INPP4B: variants seen among roughly 807,000 people sequenced by gnomAD.
INPP4B encodes inositol polyphosphate 4-phosphatase type II.
Under a neutral mutation model 122.5 loss-of-function variants are expected in INPP4B, and 55 were observed. The observed-to-expected ratio is 0.45, with a 90% CI of 0.36 to 0.56. The LOEUF (loss-of-function observed/expected upper bound fraction) is 0.56. Ranked by LOEUF, INPP4B falls within the 20% of genes least tolerant of loss-of-function variation. The probability of loss-of-function intolerance (pLI) is 0.00; values close to 1 mark genes in which losing one functional copy is unlikely to be tolerated. For missense variants in INPP4B, 1,000 were observed against 1,097.7 expected (o/e 0.91, Z 1.26); for synonymous variants, 403 against 388.7 (o/e 1.04, Z -0.43).
chr4:142,153,444 G>T (rs1340879646), intron 17 of INPP4B, among the ~76,000 whole-genome samples: 1 of 152,046 alleles, frequency 6.6e-6, no homozygotes, highest in Non-Finnish European at 1.5e-5. Context: ...CACTTGATTT[G>T]AATGTAATAA....
At chr4:142,491,302 G>T (rs1580198361) in intron 2 of INPP4B, among the ~76,000 whole-genome samples, 1 of 152,180 alleles carries the variant, frequency 6.6e-6, no homozygotes, top group East Asian at 1.9e-4. Flanking sequence ...ACTACTAGAA[G>T]AAAACATAGG....
chr4:142,731,191 C>T (rs923835248), intron 1 of INPP4B, among the ~76,000 whole-genome samples: 3 of 152,006 alleles, frequency 2.0e-5, no homozygotes, highest in Non-Finnish European at 4.4e-5. Flanking sequence ...TCCATGGCCA[C>T]ATTACATTTA....
intron 5 of INPP4B, among the ~76,000 whole-genome samples, chr4:142,408,201 T>G (rs1157196042): frequency 2.0e-5 from 3 of 152,006 alleles, no homozygotes; most frequent in Non-Finnish European, 4.4e-5. Flanking sequence ...CTATAAAATC[T>G]AATCCGTATG....
intron 5 of INPP4B, among the ~76,000 whole-genome samples, chr4:142,408,234 A>G (rs1387863141): frequency 6.7e-6 from 1 of 150,290 alleles, no homozygotes; most frequent in Non-Finnish European, 1.5e-5. Flanking sequence ...CAGCCAATAA[A>G]GAATCCTGAA....
chr4:142,550,355 T>C (rs2150073500), intron 2 of INPP4B, among the ~76,000 whole-genome samples: 1 of 152,188 alleles, frequency 6.6e-6, no homozygotes, highest in Middle Eastern at 3.4e-3. Context: ...ATTCATGCTG[T>C]GTGGTACATA....
chr4:142,748,296 A>C (rs1769101993), intron 1 of INPP4B, among the ~76,000 whole-genome samples: 1 of 152,076 alleles, frequency 6.6e-6, no homozygotes. Context: ...CTATACTAGA[A>C]AATAAAATCT....
chr4:142,066,063 A>C (rs182424541), intron 25 of INPP4B, among the ~76,000 whole-genome samples: 4 of 152,296 alleles, frequency 2.6e-5, no homozygotes, highest in African/African-American at 9.6e-5. Flanking sequence ...GAGTCTCATG[A>C]TCACATGAAT....
Position 142,212,761 on chromosome 4 carries a change from T to C in INPP4B, c.837-3735A>G, listed in dbSNP as rs74873165. On this transcript the variant is annotated intron_variant, in intron 12 of 25. Coordinates refer to ENST00000262992, the MANE Select transcript of INPP4B (RefSeq NM_001101669.3). The stretch of plus-strand genomic sequence containing the variant: ...GATTCTAACTGGCAAAGTATAAGGT[T>C]GTAGGGAAAGGTAGTGCAAATACCA... Among the ~76,000 whole-genome samples, 911 of 152,240 alleles carry C rather than the reference T, an allele frequency of 6.0e-3. 7 individuals carry two copies. Among genetic ancestry groups the C allele is most frequent in the Non-Finnish European group, 8.3e-3 (563 of 68,012 alleles).
chr4:142,763,376 A>C (rs1347288067), intron 1 of INPP4B, among the ~76,000 whole-genome samples: 1 of 152,184 alleles, frequency 6.6e-6, no homozygotes, highest in Non-Finnish European at 1.5e-5. Flanking sequence ...TAAGAGAAAT[A>C]ATATTTTGAT....
intron 13 of INPP4B, 56 bp from the exon 14 acceptor site, chr4:142,208,585 T>C: frequency 1.1e-6 from 1 of 900,186 alleles, no homozygotes; most frequent in Non-Finnish European, 1.7e-6. Context: ...TTAATATGTG[T>C]GTTAAAAGAT....
At chr4:142,834,239 C>T (rs1464816642) in intron 1 of INPP4B, among the ~76,000 whole-genome samples, 1 of 151,930 alleles carries the variant, frequency 6.6e-6, no homozygotes, top group Non-Finnish European at 1.5e-5. Flanking sequence ...TAAGAAATAC[C>T]CAGTTTCTGC....
chr4:142,605,688 C>T (rs1741088513), intron 2 of INPP4B, among the ~76,000 whole-genome samples: 1 of 151,786 alleles, frequency 6.6e-6, no homozygotes, highest in Admixed American at 6.6e-5. Context: ...AAATGTTCAA[C>T]ATCATTAATC....
At chr4:142,763,269 T>C (rs1386901096) in intron 1 of INPP4B, among the ~76,000 whole-genome samples, 1 of 152,200 alleles carries the variant, frequency 6.6e-6, no homozygotes, top group Non-Finnish European at 1.5e-5. Flanking sequence ...TCTAAGTCTC[T>C]CTCCAAGTAT....
intron 2 of INPP4B, among the ~76,000 whole-genome samples, chr4:142,672,018 G>A (rs1326764422): frequency 3.9e-5 from 6 of 152,052 alleles, no homozygotes; most frequent in African/African-American, 1.4e-4. Context: ...AACCCTCTGA[G>A]TCTGATGTCT....
At chr4:142,567,270 A>C (rs1731813951) in intron 2 of INPP4B, among the ~76,000 whole-genome samples, 1 of 152,130 alleles carries the variant, frequency 6.6e-6, no homozygotes, top group Non-Finnish European at 1.5e-5. Flanking sequence ...ACAGCAACAC[A>C]ACTGAGGTCA....
At chr4:142,819,976 T>A (rs1014018960) in intron 1 of INPP4B, among the ~76,000 whole-genome samples, 8 of 152,158 alleles carry the variant, frequency 5.3e-5, no homozygotes, top group Admixed American at 1.3e-4. Flanking sequence ...CCAGCCTACA[T>A]CACCTCCTCC....
chr4:142,079,932 G>A (rs1443818756), intron 25 of INPP4B, among the ~76,000 whole-genome samples: 1 of 152,038 alleles, frequency 6.6e-6, no homozygotes, highest in Non-Finnish European at 1.5e-5. Context: ...ACTGCACATG[G>A]AAAATCAGAG....
intron 2 of INPP4B, among the ~76,000 whole-genome samples, chr4:142,670,024 TA>T (rs957986968): frequency 6.6e-6 from 1 of 152,222 alleles, no homozygotes; most frequent in Non-Finnish European, 1.5e-5. Context: ...GTCAAAATTT[TA>T]AGTAAAACAT....
chr4:142,354,479 C>A (rs1297797235), intron 7 of INPP4B, among the ~76,000 whole-genome samples: 1 of 151,936 alleles, frequency 6.6e-6, no homozygotes, highest in Non-Finnish European at 1.5e-5. Context: ...TACCTTTTAT[C>A]TATCTTGGGC....
Sources: allele counts gnomAD v4.1 joint callset (sites outside exome capture counted in the v4.1 genomes callset), GRCh38; gene constraint gnomAD v4.1.1; transcripts MANE v1.5; gene names NCBI Gene and HGNC (gene_info 2026-07-23, HGNC 2026-07-21).